The following AP3B2 variants were observed in gnomAD, a reference collection of about 807,000 sequenced individuals.
AP3B2 encodes the protein adaptor related protein complex 3 subunit beta 2, also known as AP-3 complex subunit beta-2.
Under a neutral mutation model 126.9 loss-of-function variants are expected in AP3B2, and 50 were observed. The observed-to-expected ratio is 0.39, with a 90% confidence interval of 0.31 to 0.50. AP3B2 has a LOEUF of 0.50. AP3B2 is among the 20% of genes least tolerant of loss of function. AP3B2 has a pLI of 0.79. For missense variants in AP3B2, 1,177 were observed against 1,426.4 expected (o/e 0.83, Z 2.82); for synonymous variants, 541 against 565.0 (o/e 0.96, Z 0.60).
At chr15:82,703,412 C>G (rs1473561774) in intron 1 of AP3B2, among the ~76,000 whole-genome samples, 5 of 151,994 alleles carry the variant, frequency 3.3e-5, no homozygotes, top group Non-Finnish European at 7.4e-5. Context: ...CTCTCCGTGT[C>G]TCTACCCTCT....
intron 1 of AP3B2, among the ~76,000 whole-genome samples, chr15:82,702,137 G>C (rs575651929): frequency 7.8e-4 from 118 of 152,212 alleles, no homozygotes; most frequent in Admixed American, 2.6e-3. Flanking sequence ...CTTCACTTCT[G>C]TGGCTTTAAT....
rs1023634104 is a variant in AP3B2 at position 82,709,842 on chromosome 15, G to C, written c.-136C>G. The stretch of plus-strand genomic sequence containing the variant: ...CGGCAGGGGTTCAGCAGAGGCTGCA[G>C]TGTGCAGCGGCGGAGGCTGCGCGCG... On this transcript the variant is annotated 5_prime_UTR_variant, in exon 1 of 27. Coordinates refer to ENST00000535359, the MANE Select transcript of AP3B2 (RefSeq NM_001278512.2). The C allele has an allele frequency of 5.1e-6, 3 of 586,990 alleles. No individual in the cohort carries two copies. Among genetic ancestry groups the C allele is most frequent in the African/African-American group, 3.9e-5 (2 of 50,928 alleles). The allele number at this position is 586,990 out of a possible 1,614,324, so 36.4% of individuals were successfully genotyped here. A position where few individuals can be genotyped will look rare whatever the true frequency, so the allele number is the denominator to read the frequency against.
At chr15:82,660,755 T>C (rs1436615256) in intron 25 of AP3B2, among the ~76,000 whole-genome samples, 1 of 152,180 alleles carries the variant, frequency 6.6e-6, no homozygotes, top group Non-Finnish European at 1.5e-5. Flanking sequence ...CTAATAACAT[T>C]TTCTTGTTTT....
chr15:82,682,924 C>CAA (rs35153505), intron 4 of AP3B2, among the ~76,000 whole-genome samples: 1,668 of 134,298 alleles, frequency 0.012, 33 homozygotes, highest in African/African-American at 0.045. Context: ...CCAGTCTCTA[C>CAA]AAAAAAAAAA....
chr15:82,689,511 C>G, intron 1 of AP3B2, 58 bp from the exon 2 acceptor site: 1 of 1,523,924 alleles, frequency 6.6e-7, no homozygotes, highest in East Asian at 2.3e-5. Context: ...GGGTATTAAT[C>G]AGGAGGGTCC....
intron 14 of AP3B2, among the ~76,000 whole-genome samples, chr15:82,675,344 C>T (rs2048226700): frequency 6.6e-6 from 1 of 152,216 alleles, no homozygotes; most frequent in South Asian, 2.1e-4. Context: ...CCTTTGACTC[C>T]TGATTACAGT....
rs1596168157 is a variant in AP3B2 at position 82,664,615 on chromosome 15, C to T, written c.2138-125G>A. On this transcript the variant is annotated intron_variant, in intron 18 of 26. Transcript: ENST00000535359. The surrounding 1 kb of genome is among the most constrained non-coding windows in gnomAD (Gnocchi z 4.5). ...CAAACCTCTCTGACCTGCCCCCAGC[C>T]CTACATGCCAGCTGGAACTGACAGA... 1 of 1,292,348 alleles carries T rather than the reference C, an allele frequency of 7.7e-7. No individual in the cohort carries two copies. Among genetic ancestry groups the T allele is most frequent in the Admixed American group, 2.1e-5 (1 of 47,118 alleles). 80.1% of individuals were successfully genotyped at this position (1,292,348 alleles called of 1,614,324 possible).
intron 1 of AP3B2, among the ~76,000 whole-genome samples, chr15:82,707,881 C>T (rs532060127): frequency 9.2e-5 from 14 of 152,324 alleles, no homozygotes; most frequent in African/African-American, 2.9e-4. Flanking sequence ...TAGGTTCCCA[C>T]GCCACCCCAA....
At chr15:82,676,784 TAGAG>T (rs955123437) in intron 13 of AP3B2, 147 bp from the exon 14 acceptor site, 18 of 713,456 alleles carry the variant, frequency 2.5e-5, no homozygotes, top group Admixed American at 8.8e-5. Flanking sequence ...GGTGGTGAGA[TAGAG>T]AGAGGTTAAA....
chr15:82,677,725 G>A lies in AP3B2; in HGVS notation c.1324C>T (p.Arg442Ter), dbSNP rs1417616102. The change falls in exon 12 of 27, where the codon CGA (arginine) becomes TGA (stop). Residue 442 changes from arginine (R) to a stop codon, truncating the protein, a stop_gained. Coordinates refer to ENST00000535359, the MANE Select transcript of AP3B2 (RefSeq NM_001278512.2). LOFTEE classifies it high-confidence loss of function. Reference protein sequence around the residue: ...AIGRCATNIGRVRDTCLNGLV... With the variant: ...AIGRCATNIG ...CCATTGAGGCAGGTGTCACGGACTC[G>A]GCCGATGTTAGTTGCACAGCGTCCA... 4 of 1,607,096 alleles carry A rather than the reference G, an allele frequency of 2.5e-6. No homozygotes were observed. The highest frequency in any genetic ancestry group is 3.4e-5 in the Admixed American group (2 of 59,040).
Position 82,664,803 on chromosome 15 carries a change from C to T in AP3B2, c.2137+32G>A, listed in dbSNP as rs1406594299. 1 of 1,498,060 alleles carries T rather than the reference C, an allele frequency of 6.7e-7. No individual in the cohort carries two copies. Among genetic ancestry groups the T allele is most frequent in the Admixed American group, 1.9e-5 (1 of 52,444 alleles). The allele number at this position is 1,498,060 out of a possible 1,614,324, so 92.8% of individuals were successfully genotyped here. On this transcript the variant is annotated intron_variant, in intron 18 of 26. Transcript: ENST00000535359. The surrounding 1 kb of genome is among the most constrained non-coding windows in gnomAD (Gnocchi z 4.5). ...CAGTCACACAGATGCATGGGCAGAGCACAGAGGACCCCAGCTCTGCCATCT... is the reference window on the plus strand; with the variant it reads ...CAGTCACACAGATGCATGGGCAGAGTACAGAGGACCCCAGCTCTGCCATCT...
Position 82,665,638 on chromosome 15 carries a change from TC to T in AP3B2, c.1853-64del. 2 of 1,362,370 alleles carry T rather than the reference TC, an allele frequency of 1.5e-6. No individual in the cohort carries two copies. Among genetic ancestry groups the T allele is most frequent in the Non-Finnish European group, 2.1e-6 (2 of 960,964 alleles). The allele number at this position is 1,362,370 out of a possible 1,614,324, so 84.4% of individuals were successfully genotyped here. On this transcript the variant is annotated intron_variant, in intron 15 of 26. Coordinates refer to ENST00000535359, the MANE Select transcript of AP3B2 (RefSeq NM_001278512.2). The surrounding 1 kb of genome is among the most constrained non-coding windows in gnomAD (Gnocchi z 4.4). The stretch of plus-strand genomic sequence containing the variant: ...TGAGGGAAAGCTCTGGGAGCTGTTT[TC>T]CAGGTGGGGCTGGGTGGTGATTCTG...
chr15:82,677,255 A>C lies in AP3B2; in HGVS notation c.1488+19T>G. 2 of 1,591,000 alleles carry C rather than the reference A, an allele frequency of 1.3e-6. No individual in the cohort carries two copies. Among genetic ancestry groups the C allele is most frequent in the Non-Finnish European group, 1.7e-6 (2 of 1,164,492 alleles). Reference sequence around the variant, plus strand: ...GGAGGACCTTGAAGTGGGGAGTGAAAATATGGCTTCTCCCTCACCTGGATG... The same window carrying C: ...GGAGGACCTTGAAGTGGGGAGTGAACATATGGCTTCTCCCTCACCTGGATG... On this transcript the variant is annotated intron_variant, in intron 13 of 26. Coordinates refer to ENST00000535359, the MANE Select transcript of AP3B2 (RefSeq NM_001278512.2).
At chr15:82,706,121 C>T (rs760104295) in intron 1 of AP3B2, among the ~76,000 whole-genome samples, 5 of 152,170 alleles carry the variant, frequency 3.3e-5, no homozygotes, top group Non-Finnish European at 7.3e-5. Flanking sequence ...GCAGCGGCTG[C>T]CGCTGCTTTA....
intron 1 of AP3B2, among the ~76,000 whole-genome samples, chr15:82,693,951 T>G (rs1335166780): frequency 6.6e-6 from 1 of 152,190 alleles, no homozygotes; most frequent in Non-Finnish European, 1.5e-5. Flanking sequence ...TCCGCCCACC[T>G]CAGCCTCCCA....
chr15:82,665,210 G>C lies in AP3B2; in HGVS notation c.2028+37C>G. The C allele has an allele frequency of 6.5e-7, 1 of 1,529,974 alleles. No homozygotes were observed. Among genetic ancestry groups the C allele is most frequent in the Non-Finnish European group, 8.8e-7 (1 of 1,140,564 alleles). 94.8% of individuals were successfully genotyped at this position (1,529,974 alleles called of 1,614,324 possible). Reference sequence around the variant, plus strand: ...AGGGGAAGAAGAGGGACACAGACAGGGCAGGGGAGAGAGCACACGTCACAC... The same window carrying C: ...AGGGGAAGAAGAGGGACACAGACAGCGCAGGGGAGAGAGCACACGTCACAC... On this transcript the variant is annotated intron_variant, in intron 17 of 26. Transcript: ENST00000535359. The surrounding 1 kb of genome is among the most constrained non-coding windows in gnomAD (Gnocchi z 4.4).
intron 1 of AP3B2, among the ~76,000 whole-genome samples, chr15:82,696,287 C>T (rs760140404): frequency 3.3e-5 from 5 of 151,922 alleles, no homozygotes; most frequent in Non-Finnish European, 5.9e-5. Context: ...GTTTAATATT[C>T]GAAATAGAGG....
At chr15:82,672,756 TA>T (rs2048178385) in intron 14 of AP3B2, among the ~76,000 whole-genome samples, 1 of 152,034 alleles carries the variant, frequency 6.6e-6, no homozygotes. Flanking sequence ...CCATAAAAAT[TA>T]AAAAATAAAA....
chr15:82,708,330 T>A (rs4627310), intron 1 of AP3B2, among the ~76,000 whole-genome samples: 24,513 of 152,094 alleles, frequency 0.16, 2,111 homozygotes, highest in Non-Finnish European at 0.2. Context: ...TCAGCTGGCC[T>A]GCACCCAAGT....
Sources: gnomAD v4.1 joint callset for allele counts (sites outside exome capture counted in the v4.1 genomes callset) on GRCh38, gnomAD v4.1.1 for gene constraint, Gnocchi (gnomAD v3.1) non-coding constraint, MANE v1.5 for transcripts, NCBI Gene and HGNC (gene_info 2026-07-23, HGNC 2026-07-21) for gene names.